DYRK1B: variants seen among roughly 807,000 people sequenced by gnomAD.
The protein encoded by DYRK1B is dual specificity tyrosine phosphorylation regulated kinase 1B.
DYRK1B carries 20 observed loss-of-function variants against 57.1 expected under a neutral mutation model. The observed-to-expected ratio is 0.35, with a 90% CI of 0.25 to 0.51. The LOEUF is 0.51. Among genes scored for constraint, DYRK1B ranks in the 20% least tolerant of loss-of-function variants. DYRK1B has a pLI of 0.96. For missense variants in DYRK1B, 732 were observed against 886.3 expected (o/e 0.83, Z 2.21); for synonymous variants, 409 against 384.7 (o/e 1.06, Z -0.74).
chr19:39,825,699 C>T lies in DYRK1B; in HGVS notation c.*16G>A. 6.5e-7 allele frequency: 1 copy of T among 1,544,000 alleles called. No individual in the cohort carries two copies. Among genetic ancestry groups the T allele is most frequent in the Non-Finnish European group, 8.7e-7 (1 of 1,146,564 alleles). On this transcript the variant is annotated 3_prime_UTR_variant, in exon 11 of 11. Coordinates refer to ENST00000323039, the MANE Select transcript of DYRK1B (RefSeq NM_004714.3). Reference sequence around the variant, plus strand: ...GAGGGTATGGCTTCAGGAGGGGCCCCAGGGAGGGGGCAGGGTCACGAGCTG... The same window carrying T: ...GAGGGTATGGCTTCAGGAGGGGCCCTAGGGAGGGGGCAGGGTCACGAGCTG...
At position 39,826,918 on chromosome 19, in the gene DYRK1B, G is replaced by A. The variant is rs1968568007; in HGVS notation, c.1165C>T (p.Arg389Trp). ...CTGTGGCCCGGCTCCCCCGCCCGCC[G>A]GCCCCCGGGCCCGCCCGTCTGCACG... ...LGVQTGGPGG[R>W]RAGEPGHSPA... is the part of the protein sequence containing the mutation. Residue 389 changes from arginine to tryptophan, a missense_variant, in exon 9 of 11, where the codon CGG becomes TGG. Arg to Trp is a moderately radical substitution (Grantham distance 101). Coordinates refer to ENST00000323039, the MANE Select transcript of DYRK1B (RefSeq NM_004714.3). The surrounding 1 kb of genome is among the most constrained non-coding windows in gnomAD (Gnocchi z 6.3). The A allele has an allele frequency of 2.2e-6, 3 of 1,381,444 alleles. No individual in the cohort carries two copies. The highest frequency in any genetic ancestry group is 2.8e-6 in the Non-Finnish European group (3 of 1,075,244). The allele number at this position is 1,381,444 out of a possible 1,614,324, so 85.6% of individuals were successfully genotyped here. A position where few individuals can be genotyped will look rare whatever the true frequency, so the allele number is the denominator to read the frequency against.
chr19:39,827,090 G>T, intron 8 of DYRK1B, 103 bp from the exon 9 acceptor site: 1 of 1,118,686 alleles, frequency 8.9e-7, no homozygotes, highest in Non-Finnish European at 1.2e-6. Context: ...AGAGAAAGTG[G>T]AAAGAAAAGC....
At position 39,828,651 on chromosome 19, in the gene DYRK1B, TCATACAACGCTCTTTGATTACTAGC is replaced by T; in HGVS notation, c.521-93_521-69del. On this transcript the variant is annotated intron_variant, in intron 5 of 10. Transcript: ENST00000323039. This position sits in a 1 kb window ranked among gnomAD's most constrained non-coding sequence, Gnocchi z 4.3. The stretch of plus-strand genomic sequence containing the variant: ...AGAGAGGGCAGGTGGTGGCCTGGGG[TCATACAACGCTCTTTGATTACTAGC>T]CACATTGTGCTGTCCCCACGGGTAC... The T allele has an allele frequency of 6.7e-7, 1 of 1,494,344 alleles. No individual in the cohort carries two copies. Among genetic ancestry groups the T allele is most frequent in the Non-Finnish European group, 9.1e-7 (1 of 1,101,118 alleles). The allele number at this position is 1,494,344 out of a possible 1,614,324, so 92.6% of individuals were successfully genotyped here. A position where few individuals can be genotyped will look rare whatever the true frequency, so the allele number is the denominator to read the frequency against.
Position 39,825,410 on chromosome 19 carries a change from G to GC in DYRK1B, c.*304dup. The GC allele has an allele frequency of 2.7e-6, 1 of 370,930 alleles. No homozygotes were observed. Among genetic ancestry groups the GC allele is most frequent in the Non-Finnish European group, 4.9e-6 (1 of 203,678 alleles). 23.0% of individuals were successfully genotyped at this position (370,930 alleles called of 1,614,324 possible). On this transcript the variant is annotated 3_prime_UTR_variant, in exon 11 of 11. Transcript: ENST00000323039. ...GGAGCAAGGCCATCTCCCCCTACCTGCCCCCACCCCCTCCTAGGGTCCTGG... is the reference window on the plus strand; with the variant it reads ...GGAGCAAGGCCATCTCCCCCTACCTGCCCCCCACCCCCTCCTAGGGTCCTGG...
At chr19:39,827,943 C>T (rs1478262556) in intron 6 of DYRK1B, among the ~76,000 whole-genome samples, 6 of 152,116 alleles carry the variant, frequency 3.9e-5, no homozygotes, top group African/African-American at 1.2e-4. Flanking sequence ...AAGCCCTATA[C>T]CATCGTCACT....
chr19:39,833,016 G>A, intron 1 of DYRK1B: 2 of 985,144 alleles, frequency 2.0e-6, no homozygotes, highest in Non-Finnish European at 1.2e-6. Flanking sequence ...TTCCACAACT[G>A]TGTCCACTCC....
At chr19:39,829,372 G>A (rs1006668659) in intron 5 of DYRK1B, among the ~76,000 whole-genome samples, 3 of 151,800 alleles carry the variant, frequency 2.0e-5, no homozygotes, top group Non-Finnish European at 2.9e-5. Flanking sequence ...GACTACAGGC[G>A]CGCACCACCA....
In DYRK1B at chr19:39,831,874, C is replaced by T. The variant is rs906608189; in HGVS notation, c.-7G>A. 1 of 1,494,174 alleles carries T rather than the reference C, an allele frequency of 6.7e-7. No homozygotes were observed. Among genetic ancestry groups the T allele is most frequent in the African/African-American group, 1.4e-5 (1 of 70,292 alleles). 92.6% of individuals were successfully genotyped at this position (1,494,174 alleles called of 1,614,324 possible). ...GGCCCGGTGGGACGGCCATGGTGGG[C>T]TCAGAGGGCCGCAGGGGAGCGAGGC... On this transcript the variant is annotated 5_prime_UTR_variant, in exon 2 of 11. Coordinates refer to ENST00000323039, the MANE Select transcript of DYRK1B (RefSeq NM_004714.3).
In DYRK1B at chr19:39,828,166, C is replaced by T; in HGVS notation, c.807+131G>A. ...GTGGGCAGTATATTCACACCCCCAC[C>T]CCAAGCATTATCCCTCAGTTCCCAC... On this transcript the variant is annotated intron_variant, in intron 6 of 10. Coordinates refer to ENST00000323039, the MANE Select transcript of DYRK1B (RefSeq NM_004714.3). The surrounding 1 kb of genome is among the most constrained non-coding windows in gnomAD (Gnocchi z 4.3). 9.4e-7 allele frequency: 1 copy of T among 1,063,266 alleles called. No homozygotes were observed. Among genetic ancestry groups the T allele is most frequent in the Non-Finnish European group, 1.3e-6 (1 of 748,560 alleles). The allele number at this position is 1,063,266 out of a possible 1,614,324, so 65.9% of individuals were successfully genotyped here.
rs1354566794 is a variant in DYRK1B at position 39,829,923 on chromosome 19, C to A, written c.477G>T (p.Leu159=). The A allele has an allele frequency of 6.2e-7, 1 of 1,614,090 alleles. No individual in the cohort carries two copies. Among genetic ancestry groups the A allele is most frequent in the Admixed American group, 1.7e-5 (1 of 60,026 alleles). The change falls in exon 5 of 11, where the codon CTG becomes CTT. Residue 159 remains leucine (L), a synonymous_variant. Transcript: ENST00000323039. ...CCGTGTCATGCTGGTTCATCAGCTC[C>A]AGCAGCCGCAGCTCAATCTGGGCCT... The part of the protein sequence containing the change: ...LNQAQIELRL[L]ELMNQHDTEM...
At chr19:39,827,173 G>A in intron 8 of DYRK1B, 112 bp downstream of exon 8, 2 of 1,387,870 alleles carry the variant, frequency 1.4e-6, no homozygotes, top group Non-Finnish European at 1.9e-6. Flanking sequence ...GGACAGACAA[G>A]GGGGAGTGGA....
chr19:39,833,267 C>A, intron 1 of DYRK1B: 1 of 985,546 alleles, frequency 1.0e-6, no homozygotes, highest in Non-Finnish European at 1.2e-6. Context: ...CACCCCCTAC[C>A]CGGGTCAGGG....
rs754713659 is a variant in DYRK1B, at chr19:39,826,240, G to C, written c.1458C>G (p.Ser486Arg). 6 of 1,596,274 alleles carry C rather than the reference G, an allele frequency of 3.8e-6. No individual in the cohort carries two copies. The highest frequency in any genetic ancestry group is 3.6e-5 in the Admixed American group (2 of 55,122). Residue 486 changes from serine to arginine, a missense_variant, in exon 10 of 11, where the codon AGC (serine) becomes AGG (arginine). Ser to Arg is a moderately radical substitution (Grantham distance 110, BLOSUM62 -1). This residue lies in a region of DYRK1B where 222 missense variants were observed against 205.0 expected (regional missense o/e 1.08). Transcript: ENST00000323039. This position sits in a 1 kb window ranked among gnomAD's most constrained non-coding sequence, Gnocchi z 6.3. Reference sequence around the variant, plus strand: ...GCCCAGGGCCCCCACAATATCGGTTGCTGTAGCGGTAGGTCCGGTTGTCAC... The same window carrying C: ...GCCCAGGGCCCCCACAATATCGGTTCCTGTAGCGGTAGGTCCGGTTGTCAC... The part of the protein sequence containing the change: ...SSSDNRTYRY[S>R]NRYCGGPGPP...
At position 39,828,363 on chromosome 19, in the gene DYRK1B, C is replaced by T. The variant is rs768522719; in HGVS notation, c.741G>A (p.Leu247=). 9 of 1,614,074 alleles carry T rather than the reference C, an allele frequency of 5.6e-6. No individual in the cohort carries two copies. In the East Asian group the frequency reaches 2.0e-4, roughly 36 times the overall value. ...TGATGGCGCTGCGCTTGGGGTTGCA[C>T]AGCAAGATGTTTTCGGGCTTGAGGT... ...HCDLKPENIL[L]CNPKRSAIKI... is the part of the protein sequence containing the mutation. The change falls in exon 6 of 11, where the codon CTG becomes CTA. Residue 247 remains leucine, a synonymous_variant. Transcript: ENST00000323039. This position sits in a 1 kb window ranked among gnomAD's most constrained non-coding sequence, Gnocchi z 4.3.
chr19:39,829,572 G>C (rs1257844260), intron 5 of DYRK1B: 2 of 248,396 alleles, frequency 8.1e-6, no homozygotes, highest in Non-Finnish European at 1.5e-5. Flanking sequence ...GGAAGCCCAG[G>C]TTTCTTATCT....
intron 6 of DYRK1B, 76 bp from the exon 7 acceptor site, chr19:39,827,732 C>G: frequency 6.5e-7 from 1 of 1,529,920 alleles, no homozygotes; most frequent in Admixed American, 1.9e-5. Context: ...TAAGAGGACC[C>G]AACTGAGGAC....
At chr19:39,831,735 G>A (rs760331977) in intron 2 of DYRK1B, 70 bp downstream of exon 2, 17 of 1,532,202 alleles carry the variant, frequency 1.1e-5, no homozygotes, top group South Asian at 3.6e-5. Context: ...ACTACCTTTT[G>A]GTCTGGAGAC....
At position 39,829,874 on chromosome 19, in the gene DYRK1B, C is replaced by T; in HGVS notation, c.520+6G>A. The T allele has an allele frequency of 6.2e-7, 1 of 1,612,594 alleles. No homozygotes were observed. Among genetic ancestry groups the T allele is most frequent in the Non-Finnish European group, 8.5e-7 (1 of 1,179,688 alleles). On this transcript the variant is annotated splice_donor_region_variant and intron_variant, in intron 5 of 10. Transcript: ENST00000323039. ...TGCCCACAGCCCTGCCAGTCCCAGG[C>T]CTCACCTATATAGTACTTCATCTCC...
rs775483614 is a variant in DYRK1B at position 39,826,217 on chromosome 19, C to T, written c.1481G>A (p.Gly494Glu). The change falls in exon 10 of 11, where the codon GGG (glycine) becomes GAG (glutamate). Residue 494 changes from glycine (G) to glutamate (E), a missense_variant. By Grantham distance (98) the Gly-to-Glu change is moderately conservative (BLOSUM62 -2). This residue lies in a region of DYRK1B where 222 missense variants were observed against 205.0 expected (regional missense o/e 1.08). Coordinates refer to ENST00000323039, the MANE Select transcript of DYRK1B (RefSeq NM_004714.3). This position sits in a 1 kb window ranked among gnomAD's most constrained non-coding sequence, Gnocchi z 6.3. ...RYSNRYCGGP[G>E]PPITDCEMNS... Reference sequence around the variant, plus strand: ...CATCTCACAGTCTGTGATAGGGGGCCCAGGGCCCCCACAATATCGGTTGCT... The same window carrying T: ...CATCTCACAGTCTGTGATAGGGGGCTCAGGGCCCCCACAATATCGGTTGCT... 2.4e-5 allele frequency: 39 copies of T among 1,596,048 alleles called. No individual in the cohort carries two copies. The highest frequency in any genetic ancestry group is 3.4e-5 in the South Asian group (3 of 88,366).
Sources: allele counts gnomAD v4.1 joint callset (sites outside exome capture counted in the v4.1 genomes callset), GRCh38; gene constraint gnomAD v4.1.1; regional missense constraint gnomAD v4.1.1; non-coding constraint Gnocchi (gnomAD v3.1); transcripts MANE v1.5; gene names NCBI Gene and HGNC (gene_info 2026-07-23, HGNC 2026-07-21).